Variants in SAMHD1 observed in about 807,000 individuals in gnomAD.
SAMHD1 encodes the protein SAM and HD domain containing deoxynucleoside triphosphate triphosphohydrolase 1, also known as deoxynucleoside triphosphate triphosphohydrolase SAMHD1.
A neutral mutation model predicts 79.6 loss-of-function variants in SAMHD1; 54 were observed. The observed-to-expected ratio is 0.68, with a 90% CI of 0.55 to 0.85. SAMHD1 has a LOEUF of 0.85. Ranked by LOEUF, SAMHD1 falls within the 40% of genes least tolerant of loss-of-function variation. The probability of loss-of-function intolerance (pLI) is 0.00; values close to 1 mark genes in which losing one functional copy is unlikely to be tolerated. For missense variants in SAMHD1, 663 were observed against 782.7 expected, an observed-to-expected ratio of 0.85 and a Z score of 1.82; for synonymous variants, 260 against 264.1, an observed-to-expected ratio of 0.98 and a Z score of 0.15.
intron 10 of SAMHD1, chr20:36,911,546 T>C (rs748682881): frequency 1.1e-4 from 58 of 527,142 alleles, no homozygotes; most frequent in Non-Finnish European, 1.8e-4. Context: ...GGCTTTGCAT[T>C]CACCATCTTA....
chr20:36,892,626 C>T lies in SAMHD1; in HGVS notation c.*306G>A. ...TGGGCAACAGAGCAAAACCTTGTCT[C>T]TTAAAAAAGAAAAAAAATAGAGTTC... On this transcript the variant is annotated 3_prime_UTR_variant, in exon 16 of 16. Coordinates refer to ENST00000646673, the MANE Select transcript of SAMHD1 (RefSeq NM_015474.4). 2.6e-6 allele frequency: 1 copy of T among 379,752 alleles called. No homozygotes were observed. The highest frequency in any genetic ancestry group is 2.4e-5 in the South Asian group (1 of 42,018). 23.5% of individuals were successfully genotyped at this position (379,752 alleles called of 1,614,324 possible). A position where few individuals can be genotyped will look rare whatever the true frequency, so the allele number is the denominator to read the frequency against.
At position 36,951,475 on chromosome 20, in the gene SAMHD1, C is replaced by G. The variant is rs773200359; in HGVS notation, c.169G>C (p.Gly57Arg). Residue 57 changes from glycine (G) to arginine (R), a missense_variant, in exon 1 of 16, where the codon GGT (glycine) becomes CGT (arginine). Physicochemically the swap from Gly to Arg is moderately radical, Grantham distance 125. Coordinates refer to ENST00000646673, the MANE Select transcript of SAMHD1 (RefSeq NM_015474.4). ...AGCAGCACCGGCTCTTCAAAGCCAC[C>G]GCGCCTGAGGAAGGAGCACACCTGC... Reference protein sequence around the residue: ...PEQVCSFLRRGGFEEPVLLKN... With the variant: ...PEQVCSFLRRRGFEEPVLLKN... The G allele has an allele frequency of 1.2e-6, 2 of 1,614,178 alleles. No homozygotes were observed. Among genetic ancestry groups the G allele is most frequent in the Admixed American group, 3.3e-5 (2 of 60,032 alleles).
At chr20:36,906,901 C>T (rs1057264813) in intron 11 of SAMHD1, among the ~76,000 whole-genome samples, 2 of 151,642 alleles carry the variant, frequency 1.3e-5, no homozygotes, top group African/African-American at 2.4e-5. Flanking sequence ...AAGTGATTCT[C>T]GTGCCTCAGC....
At chr20:36,924,281 G>A (rs1041239740) in intron 6 of SAMHD1, among the ~76,000 whole-genome samples, 2 of 148,226 alleles carry the variant, frequency 1.3e-5, no homozygotes, top group African/African-American at 2.5e-5. Flanking sequence ...AGGGAAGGGG[G>A]AAGGGGAAAG....
In SAMHD1 at chr20:36,892,817, C is replaced by T. The variant is rs1387421198; in HGVS notation, c.*115G>A. ...GTTACTTAGCTTCAGCATGCGTGTA[C>T]ATTCAAAATACAAAATTAAAGCATG... is the stretch of plus-strand genomic sequence containing the variant. On this transcript the variant is annotated 3_prime_UTR_variant, in exon 16 of 16. Coordinates refer to ENST00000646673, the MANE Select transcript of SAMHD1 (RefSeq NM_015474.4). 2 of 1,347,810 alleles carry T rather than the reference C, an allele frequency of 1.5e-6. No homozygotes were observed. Among genetic ancestry groups the T allele is most frequent in the Non-Finnish European group, 2.1e-6 (2 of 937,686 alleles). 83.5% of individuals were successfully genotyped at this position (1,347,810 alleles called of 1,614,324 possible).
At chr20:36,898,689 G>A in intron 13 of SAMHD1, 145 bp from the exon 14 acceptor site, 1 of 673,282 alleles carries the variant, frequency 1.5e-6, no homozygotes, top group African/African-American at 1.8e-5. Flanking sequence ...CAAGGTGGGT[G>A]AATCACGAGG....
In SAMHD1 at chr20:36,912,542, T is replaced by A; in HGVS notation, c.1073A>T (p.Asn358Ile). Residue 358 changes from asparagine (N) to isoleucine (I), a missense_variant, in exon 10 of 16, where the codon AAT becomes ATT. Physicochemically the swap from Asn to Ile is moderately radical, Grantham distance 149. Coordinates refer to ENST00000646673, the MANE Select transcript of SAMHD1 (RefSeq NM_015474.4). ...GCGAGTGTGGAACATGTCATACAGATTTCCAACTTCCTGCAGGAAAACATG... is the reference window on the plus strand; with the variant it reads ...GCGAGTGTGGAACATGTCATACAGAATTCCAACTTCCTGCAGGAAAACATG... ...RICARDKEVG[N>I]LYDMFHTRNS... 6.2e-7 allele frequency: 1 copy of A among 1,610,798 alleles called. No homozygotes were observed. Among genetic ancestry groups the A allele is most frequent in the East Asian group, 2.2e-5 (1 of 44,856 alleles).
chr20:36,932,605 C>T (rs923112829), intron 4 of SAMHD1, among the ~76,000 whole-genome samples: 3 of 151,518 alleles, frequency 2.0e-5, no homozygotes, highest in Admixed American at 6.6e-5. Context: ...TTAGTAGAGA[C>T]GGGGTTTCGC....
intron 2 of SAMHD1, among the ~76,000 whole-genome samples, chr20:36,946,119 C>G (rs764415911): frequency 2.0e-5 from 3 of 151,944 alleles, no homozygotes; most frequent in Non-Finnish European, 4.4e-5. Context: ...CCCATCTCTA[C>G]TAAAAGTACA....
At chr20:36,919,326 G>A in intron 7 of SAMHD1, 38 bp downstream of exon 7, 1 of 1,599,160 alleles carries the variant, frequency 6.3e-7, no homozygotes, top group African/African-American at 1.3e-5. Flanking sequence ...TAGATGAAAA[G>A]CACCAGTCAG....
At chr20:36,951,360 G>A in intron 1 of SAMHD1, 76 bp downstream of exon 1, 1 of 1,595,954 alleles carries the variant, frequency 6.3e-7, no homozygotes, top group Non-Finnish European at 8.5e-7. Flanking sequence ...CCTCTCGTGG[G>A]GCCCCCTCCC....
In SAMHD1 at chr20:36,951,657, G is replaced by C. The variant is rs928152857; in HGVS notation, c.-14C>G. 2.5e-6 allele frequency: 4 copies of C among 1,612,514 alleles called. No individual in the cohort carries two copies. The highest frequency in any genetic ancestry group is 3.4e-6 in the Non-Finnish European group (4 of 1,179,968). ...GGCTCGCTGCATGGCTACACCTGGCGTCCGGCACAGCAGTCAAGAACCTCG... is the reference window on the plus strand; with the variant it reads ...GGCTCGCTGCATGGCTACACCTGGCCTCCGGCACAGCAGTCAAGAACCTCG... On this transcript the variant is annotated 5_prime_UTR_variant, in exon 1 of 16. Coordinates refer to ENST00000646673, the MANE Select transcript of SAMHD1 (RefSeq NM_015474.4).
At chr20:36,906,457 A>G (rs1200066034) in intron 11 of SAMHD1, among the ~76,000 whole-genome samples, 2 of 152,198 alleles carry the variant, frequency 1.3e-5, no homozygotes, top group Non-Finnish European at 2.9e-5. Flanking sequence ...TAATAAAAAG[A>G]GAACGGTCCT....
At chr20:36,923,720 T>C (rs1474570536) in intron 6 of SAMHD1, among the ~76,000 whole-genome samples, 1 of 151,988 alleles carries the variant, frequency 6.6e-6, no homozygotes, top group Non-Finnish European at 1.5e-5. Flanking sequence ...GAGGCTGAGA[T>C]GGAAGGATCG....
intron 2 of SAMHD1, among the ~76,000 whole-genome samples, chr20:36,944,542 A>T (rs1348163773): frequency 6.6e-6 from 1 of 152,236 alleles, no homozygotes; most frequent in Non-Finnish European, 1.5e-5. Context: ...ATTTCAGAAG[A>T]GAAGGCCATA....
intron 2 of SAMHD1, among the ~76,000 whole-genome samples, chr20:36,945,516 A>G (rs1450955174): frequency 6.6e-6 from 1 of 152,268 alleles, no homozygotes; most frequent in African/African-American, 2.4e-5. Context: ...GTATAATTCA[A>G]TTATTCTGAA....
At chr20:36,937,855 G>GTTTTTTTTTTTTTTTTTTTTTTTTT (rs1568780706) in intron 3 of SAMHD1, among the ~76,000 whole-genome samples, 1 of 125,366 alleles carries the variant, frequency 8.0e-6, no homozygotes, top group African/African-American at 3.6e-5. Context: ...AAACAATGTT[G>GTTTTTTTTTTTTTTTTTTTTTTTTT]GTTTGTTTTT....
chr20:36,911,391 G>T, intron 10 of SAMHD1, 58 bp from the exon 11 acceptor site: 2 of 1,045,476 alleles, frequency 1.9e-6, no homozygotes, highest in Non-Finnish European at 3.0e-6. Flanking sequence ...TTTGCCTTAT[G>T]TCTTACTTAA....
intron 4 of SAMHD1, among the ~76,000 whole-genome samples, chr20:36,932,152 GCCAGCTACTTGGAAGGCTGTAATC>G (rs1490797764): frequency 6.6e-6 from 1 of 151,784 alleles, no homozygotes; most frequent in Non-Finnish European, 1.5e-5. Flanking sequence ...GGTGGCAGGT[GCCAGCTACTTGGAAGGCTGTAATC>G]CCAGCTACTT....
Sources: gnomAD v4.1 joint callset for allele counts (sites outside exome capture counted in the v4.1 genomes callset) on GRCh38, gnomAD v4.1.1 for gene constraint, MANE v1.5 for transcripts, NCBI Gene and HGNC (gene_info 2026-07-23, HGNC 2026-07-21) for gene names.